The following BAZ1A variants were observed in gnomAD, a reference collection of about 807,000 sequenced individuals.
The protein encoded by BAZ1A is bromodomain adjacent to zinc finger domain 1A.
Under a neutral mutation model 185.2 loss-of-function variants are expected in BAZ1A, and 50 were observed. That is an observed-to-expected ratio of 0.27 (90% CI 0.22 to 0.34). The LOEUF (loss-of-function observed/expected upper bound fraction) is 0.34, where lower values mean the gene tolerates loss of function less well. Ranked by LOEUF, BAZ1A falls within the 10% of genes least tolerant of loss-of-function variation. BAZ1A has a pLI of 1.00. For missense variants in BAZ1A, 1,356 were observed against 1,839.9 expected, an observed-to-expected ratio of 0.74 and a Z score of 4.81; for synonymous variants, 571 against 615.6, an observed-to-expected ratio of 0.93 and a Z score of 1.07.
intron 2 of BAZ1A, among the ~76,000 whole-genome samples, chr14:34,866,502 A>AAAAAAAAAAAAAGGAAAAAAG: frequency 3.8e-5 from 3 of 79,538 alleles, no homozygotes; most frequent in Admixed American, 3.0e-4. Context: ...AAAAAAAAAA[A>AAAAAAAAAAAAAGGAAAAAAG]GAAAAAAGTT....
At chr14:34,832,643 C>CT (rs1461963536) in intron 3 of BAZ1A, among the ~76,000 whole-genome samples, 1 of 151,816 alleles carries the variant, frequency 6.6e-6, no homozygotes, top group African/African-American at 2.4e-5. Context: ...TATATTTTTT[C>CT]TTTTTTTTAA....
Position 34,862,294 on chromosome 14 carries a change from T to G in BAZ1A, c.142A>C (p.Asn48His). The change falls in exon 3 of 27, where the codon AAC (asparagine) becomes CAC (histidine). Residue 48 changes from asparagine to histidine, a missense_variant. Physicochemically the swap from Asn to His is moderately conservative, Grantham distance 68. Around this residue, in one of 7 missense-constraint regions of BAZ1A, gnomAD observed 332 missense variants for 395.3 expected, o/e 0.84. Coordinates refer to ENST00000360310, the MANE Select transcript of BAZ1A (RefSeq NM_013448.3). ...DDFFERTILC[N>H]SLVWSCAVTG... Reference sequence around the variant, plus strand: ...ACAGCACAACTCCACACAAGGCTGTTGCACAGAATGGTTCGTTCAAAAAAG... The same window carrying G: ...ACAGCACAACTCCACACAAGGCTGTGGCACAGAATGGTTCGTTCAAAAAAG... The G allele has an allele frequency of 6.2e-7, 1 of 1,612,946 alleles. No individual in the cohort carries two copies. Among genetic ancestry groups the G allele is most frequent in the Non-Finnish European group, 8.5e-7 (1 of 1,179,386 alleles).
chr14:34,847,369 G>A (rs570643278), intron 3 of BAZ1A, among the ~76,000 whole-genome samples: 1 of 151,950 alleles, frequency 6.6e-6, no homozygotes, highest in African/African-American at 2.4e-5. Flanking sequence ...ATATACAGAA[G>A]GAGCAGGATT....
chr14:34,807,888 G>A (rs139367403), intron 5 of BAZ1A, among the ~76,000 whole-genome samples: 32 of 150,954 alleles, frequency 2.1e-4, no homozygotes, highest in African/African-American at 7.3e-4. Flanking sequence ...GGTGGATGAC[G>A]AGGTCAGGAG....
chr14:34,804,382 C>T (rs1881742310), intron 6 of BAZ1A, among the ~76,000 whole-genome samples: 1 of 152,154 alleles, frequency 6.6e-6, no homozygotes, highest in Non-Finnish European at 1.5e-5. Context: ...CATCATTCTT[C>T]CTCTCAAACA....
At position 34,845,781 on chromosome 14, in the gene BAZ1A, A is replaced by C. The variant is rs191103725; in HGVS notation, c.392+16263T>G. ...GAGGCTGAGGCAGGAGAATCACTTG[A>C]ACCCAGGAGACGGGGGTTGCAGTGA... On this transcript the variant is annotated intron_variant, in intron 3 of 26. Transcript: ENST00000360310. 2.6e-4 allele frequency among the ~76,000 whole-genome samples: 39 copies of C among 151,828 alleles called. No individual in the cohort carries two copies. The East Asian group carries it at 7.4e-3, about 29-fold the overall frequency.
In BAZ1A at chr14:34,826,133, A is replaced by G. The variant is rs772739432; in HGVS notation, c.416T>C (p.Val139Ala). Residue 139 changes from valine (V) to alanine (A), a missense_variant, in exon 4 of 27, where the codon GTC becomes GCC. By Grantham distance (64) the Val-to-Ala change is moderately conservative. Transcript: ENST00000360310. Reference protein sequence around the residue: ...GARLQCRILEVLPPSHQNGFA... With the variant: ...GARLQCRILEALPPSHQNGFA... ...ACCATTTTGATGTGATGGAGGGAGGACTTCCAAAATCCTACACTGCAACCT... is the reference window on the plus strand; with the variant it reads ...ACCATTTTGATGTGATGGAGGGAGGGCTTCCAAAATCCTACACTGCAACCT... 2 of 1,610,904 alleles carry G rather than the reference A, an allele frequency of 1.2e-6. No individual in the cohort carries two copies. The highest frequency in any genetic ancestry group is 1.7e-6 in the Non-Finnish European group (2 of 1,179,186).
intron 2 of BAZ1A, 146 bp from the exon 3 acceptor site, chr14:34,862,468 C>G: frequency 1.3e-6 from 1 of 759,184 alleles, no homozygotes; most frequent in Non-Finnish European, 2.0e-6. Flanking sequence ...GGTTTGGTAA[C>G]TGGTCAACTT....
intron 16 of BAZ1A, 55 bp downstream of exon 16, chr14:34,783,064 G>T: frequency 7.5e-7 from 1 of 1,326,134 alleles, no homozygotes; most frequent in Non-Finnish European, 1.1e-6. Flanking sequence ...TAAGGTGTCT[G>T]GTTTTTATTC....
intron 24 of BAZ1A, 75 bp downstream of exon 24, chr14:34,761,682 C>G: frequency 7.6e-7 from 1 of 1,312,100 alleles, no homozygotes; most frequent in African/African-American, 1.5e-5. Flanking sequence ...AAAAATGATC[C>G]AAAGTATCTC....
chr14:34,810,904 A>C, intron 5 of BAZ1A, 31 bp downstream of exon 5: 5 of 1,453,578 alleles, frequency 3.4e-6, no homozygotes, highest in Non-Finnish European at 4.8e-6. Context: ...ATTCTACTTT[A>C]AACTACTATT....
rs1294769611 is a variant in BAZ1A at position 34,753,596 on chromosome 14, A to G, written c.4583T>C (p.Ile1528Thr). ...GTGGAGTCCAAGCTTTTGAGCCTGAATATGAAAAAATGCTTGAAGCCTAGT... is the reference window on the plus strand; with the variant it reads ...GTGGAGTCCAAGCTTTTGAGCCTGAGTATGAAAAAATGCTTGAAGCCTAGT... ...AGTRLQAFFH[I>T]QAQKLGLHVT... Residue 1528 changes from isoleucine to threonine, a missense_variant, in exon 27 of 27, where the codon ATT (isoleucine) becomes ACT (threonine). Coordinates refer to ENST00000360310, the MANE Select transcript of BAZ1A (RefSeq NM_013448.3). The G allele has an allele frequency of 1.2e-6, 2 of 1,614,034 alleles. No homozygotes were observed. Among genetic ancestry groups the G allele is most frequent in the Non-Finnish European group, 1.7e-6 (2 of 1,180,008 alleles).
chr14:34,844,804 CACACACACAA>C (rs1158822121), intron 3 of BAZ1A, among the ~76,000 whole-genome samples: 225 of 130,012 alleles, frequency 1.7e-3, no homozygotes, highest in African/African-American at 6.1e-3. Flanking sequence ...CACACACACA[CACACACACAA>C]AATCCAACAT....
intron 7 of BAZ1A, 57 bp downstream of exon 7, chr14:34,802,797 T>C (rs1337112190): frequency 6.5e-7 from 1 of 1,539,320 alleles, no homozygotes; most frequent in Non-Finnish European, 8.8e-7. Flanking sequence ...TACTTCTTGA[T>C]TCTGAATACT....
Position 34,816,238 on chromosome 14 carries a change from C to T in BAZ1A, c.537-5202G>A, listed in dbSNP as rs560988407. ...AAGTAGCTGGGACTACAGGCACGTGCCACCACGCCTGGCTAATTTTTTGTA... is the reference window on the plus strand; with the variant it reads ...AAGTAGCTGGGACTACAGGCACGTGTCACCACGCCTGGCTAATTTTTTGTA... On this transcript the variant is annotated intron_variant, in intron 4 of 26. Coordinates refer to ENST00000360310, the MANE Select transcript of BAZ1A (RefSeq NM_013448.3). Among the ~76,000 whole-genome samples the T allele has an allele frequency of 7.0e-4, 107 of 152,092 alleles. 1 individual carries two copies. The highest frequency in any genetic ancestry group is 2.5e-3 in the African/African-American group (105 of 41,504).
At chr14:34,785,669 C>T in intron 14 of BAZ1A, 108 bp downstream of exon 14, 1 of 835,812 alleles carries the variant, frequency 1.2e-6, no homozygotes, top group African/African-American at 1.7e-5. Context: ...TTCTCTTTTT[C>T]TCTTTTAATA....
chr14:34,781,000 G>A (rs1274881682), intron 16 of BAZ1A, among the ~76,000 whole-genome samples: 1 of 152,150 alleles, frequency 6.6e-6, no homozygotes, highest in East Asian at 1.9e-4. Context: ...ATGATAAATA[G>A]TGGAGGAGAG....
At chr14:34,851,115 T>C (rs886965960) in intron 3 of BAZ1A, among the ~76,000 whole-genome samples, 17 of 151,922 alleles carry the variant, frequency 1.1e-4, no homozygotes, top group African/African-American at 3.6e-4. Context: ...GGTAGATCAC[T>C]TGAGGCCAGG....
intron 3 of BAZ1A, among the ~76,000 whole-genome samples, chr14:34,835,767 G>A (rs1331562536): frequency 6.6e-6 from 1 of 151,344 alleles, no homozygotes; most frequent in Non-Finnish European, 1.5e-5. Flanking sequence ...TGCCTCCCGG[G>A]TTCAAGCAAT....
Sources: gnomAD v4.1 joint callset for allele counts (sites outside exome capture counted in the v4.1 genomes callset) on GRCh38, gnomAD v4.1.1 for gene constraint, gnomAD v4.1.1 regional missense constraint, MANE v1.5 for transcripts, NCBI Gene and HGNC (gene_info 2026-07-23, HGNC 2026-07-21) for gene names.